Variants in SH3BGRL2 observed in about 807,000 individuals in gnomAD.
SH3BGRL2 encodes SH3 domain-binding glutamic acid-rich-like protein 2.
Under a neutral mutation model 14.8 loss-of-function variants are expected in SH3BGRL2, and 21 were observed. The ratio of observed to expected loss-of-function variants is 1.42; its 90% CI spans 1.01 to 2.05. SH3BGRL2 has a LOEUF of 2.05. Ranked by LOEUF, SH3BGRL2 falls within the 30% of genes most tolerant of loss-of-function variation. SH3BGRL2 has a pLI of 0.00. For synonymous variants in SH3BGRL2, 50 were observed against 47.8 expected (o/e 1.05, Z -0.19); for missense variants, 147 against 130.8 (o/e 1.12, Z -0.61).
In SH3BGRL2 at chr6:79,701,542, A is replaced by G. The variant is rs1346674764; in HGVS notation, c.*2033A>G. The G allele has an allele frequency of 6.6e-6, 1 of 152,006 alleles. No homozygotes were observed. Among genetic ancestry groups the G allele is most frequent in the African/African-American group, 2.4e-5 (1 of 41,374 alleles). The allele number at this position is 152,006 out of a possible 1,614,324, so 9.4% of individuals were successfully genotyped here. A position where few individuals can be genotyped will look rare whatever the true frequency, so the allele number is the denominator to read the frequency against. On this transcript the variant is annotated 3_prime_UTR_variant, in exon 4 of 4. Coordinates refer to ENST00000369838, the MANE Select transcript of SH3BGRL2 (RefSeq NM_031469.4). ...AGTATACCTATTATGATTATAGTAA[A>G]CAGACTAGTGGGTAGTAATGCTAAA... is the stretch of plus-strand genomic sequence containing the variant.
chr6:79,619,013 T>A, the SH3BGRL2 span, among the ~76,000 whole-genome samples: 2 of 151,994 alleles, frequency 1.3e-5, no homozygotes, highest in African/African-American at 4.8e-5. Flanking sequence ...CAGTTTGATT[T>A]CAAATTCAGT....
chr6:79,591,647 C>T, the SH3BGRL2 span, among the ~76,000 whole-genome samples: 3 of 152,182 alleles, frequency 2.0e-5, no homozygotes, highest in East Asian at 5.8e-4. Flanking sequence ...ACTTCGTGAT[C>T]TGCCCGCCTC....
At chr6:79,620,975 C>G in the SH3BGRL2 span, among the ~76,000 whole-genome samples, 1 of 151,892 alleles carries the variant, frequency 6.6e-6, no homozygotes, top group South Asian at 2.1e-4. Context: ...GTTGGCCAGG[C>G]TGGTCTTAAA....
In SH3BGRL2 at chr6:79,681,911, C is replaced by A. The variant is rs551595746; in HGVS notation, c.231+8112C>A. On this transcript the variant is annotated intron_variant, in intron 2 of 3. Transcript: ENST00000369838. ...ACGTTGCAGTGAGCAGAGATCGCCC[C>A]GCTGCACTCCAGCCTGGGGGACAGA... Among the ~76,000 whole-genome samples, 25 of 151,780 alleles carry A rather than the reference C, an allele frequency of 1.6e-4. No homozygotes were observed. The South Asian group carries it at 4.8e-3, about 29-fold the overall frequency.
chr6:79,646,034 A>G (rs1769136872), intron 1 of SH3BGRL2, among the ~76,000 whole-genome samples: 1 of 151,900 alleles, frequency 6.6e-6, no homozygotes, highest in South Asian at 2.1e-4. Flanking sequence ...GTGCTGGACA[A>G]CTCTTTGTTG....
intron 1 of SH3BGRL2, among the ~76,000 whole-genome samples, chr6:79,646,543 A>G (rs113322461): frequency 1.3e-5 from 2 of 152,342 alleles, no homozygotes; most frequent in East Asian, 3.9e-4. Flanking sequence ...TTGTTTCATA[A>G]TTGAGATATA....
At chr6:79,636,589 G>T (rs934408389) in intron 1 of SH3BGRL2, among the ~76,000 whole-genome samples, 3 of 152,190 alleles carry the variant, frequency 2.0e-5, no homozygotes, top group African/African-American at 7.2e-5. Flanking sequence ...AAAAACTGGG[G>T]TGCTTAAATA....
the SH3BGRL2 span, among the ~76,000 whole-genome samples, chr6:79,589,056 C>T: frequency 1.3e-5 from 2 of 151,998 alleles, no homozygotes; most frequent in South Asian, 4.2e-4. Context: ...ATAACCTATA[C>T]TTTAAATCAT....
the SH3BGRL2 span, among the ~76,000 whole-genome samples, chr6:79,605,509 T>G: frequency 6.6e-6 from 1 of 152,226 alleles, no homozygotes; most frequent in African/African-American, 2.4e-5. Flanking sequence ...CTTCACAGAG[T>G]ATTATCCAAA....
chr6:79,592,898 A>G, the SH3BGRL2 span, among the ~76,000 whole-genome samples: 1 of 152,226 alleles, frequency 6.6e-6, no homozygotes, highest in African/African-American at 2.4e-5. Flanking sequence ...AGCTCAGAAT[A>G]AAATTCAGGC....
chr6:79,574,545 A>G, the SH3BGRL2 span: 1 of 152,176 alleles, frequency 6.6e-6, no homozygotes, highest in East Asian at 1.9e-4. Flanking sequence ...TTCTCTGTGT[A>G]ACAAACTATT....
intron 2 of SH3BGRL2, among the ~76,000 whole-genome samples, chr6:79,688,274 A>G (rs1330769821): frequency 6.6e-6 from 1 of 152,074 alleles, no homozygotes; most frequent in Non-Finnish European, 1.5e-5. Flanking sequence ...ATTTAGATAA[A>G]TGTTCCCTTA....
upstream of SH3BGRL2, among the ~76,000 whole-genome samples, chr6:79,627,600 A>C (rs1460379570): frequency 6.6e-6 from 1 of 151,982 alleles, no homozygotes; most frequent in Non-Finnish European, 1.5e-5. Context: ...TAACATTCTT[A>C]GATAGTCTCT....
chr6:79,607,442 C>T, the SH3BGRL2 span, among the ~76,000 whole-genome samples: 1 of 152,076 alleles, frequency 6.6e-6, no homozygotes, highest in Non-Finnish European at 1.5e-5. Context: ...TCATTATCAC[C>T]ATCTCCCTCC....
the SH3BGRL2 span, among the ~76,000 whole-genome samples, chr6:79,599,120 A>G: frequency 6.6e-6 from 1 of 151,854 alleles, no homozygotes; most frequent in South Asian, 2.1e-4. Flanking sequence ...ATTCAATACC[A>G]GATGGATGCA....
chr6:79,599,052 G>A, the SH3BGRL2 span, among the ~76,000 whole-genome samples: 1 of 141,284 alleles, frequency 7.1e-6, no homozygotes, highest in African/African-American at 2.6e-5. Context: ...TTGCACTCCA[G>A]CCTGGGCAAC....
At chr6:79,665,599 T>C (rs1210180996) in intron 1 of SH3BGRL2, among the ~76,000 whole-genome samples, 2 of 152,100 alleles carry the variant, frequency 1.3e-5, no homozygotes, top group African/African-American at 2.4e-5. Context: ...ACCAAAAATA[T>C]TGACTGGTTA....
chr6:79,672,553 T>TATTTAA (rs1769795046), intron 1 of SH3BGRL2, among the ~76,000 whole-genome samples: 1 of 152,202 alleles, frequency 6.6e-6, no homozygotes, highest in African/African-American at 2.4e-5. Flanking sequence ...CTTTTTAAGC[T>TATTTAA]GCATACTATT....
At chr6:79,587,988 C>T in the SH3BGRL2 span, among the ~76,000 whole-genome samples, 2 of 150,748 alleles carry the variant, frequency 1.3e-5, no homozygotes, top group African/African-American at 4.9e-5. Flanking sequence ...CAAGCCTGGC[C>T]AACATGGCGA....
Sources: allele counts gnomAD v4.1 joint callset (sites outside exome capture counted in the v4.1 genomes callset), GRCh38; gene constraint gnomAD v4.1.1; transcripts MANE v1.5; gene names NCBI Gene and HGNC (gene_info 2026-07-23, HGNC 2026-07-21).